The following PGAP6 variants were observed in gnomAD, a reference collection of about 807,000 sequenced individuals.
The protein encoded by PGAP6 is post-GPI attachment to proteins 6, also known as post-GPI attachment to proteins factor 6.
Under a neutral mutation model 68.4 loss-of-function variants are expected in PGAP6, and 62 were observed. The ratio of observed to expected loss-of-function variants is 0.91; its 90% CI spans 0.74 to 1.12. The LOEUF is 1.12. Ranked by LOEUF, PGAP6 falls within the 50% of genes most tolerant of loss-of-function variation. The pLI is 0.00. For synonymous variants in PGAP6, 575 were observed against 474.0 expected, an observed-to-expected ratio of 1.21 and a Z score of -2.77; for missense variants, 1,188 against 1,068.5, an observed-to-expected ratio of 1.11 and a Z score of -1.56.
In PGAP6 at chr16:372,088, G is replaced by A; in HGVS notation, c.2215C>T (p.Pro739Ser). Residue 739 changes from proline (P) to serine (S), a missense_variant, in exon 13 of 13, where the codon CCA (proline) becomes TCA (serine). Coordinates refer to ENST00000431232, the MANE Select transcript of PGAP6 (RefSeq NM_021259.3). Reference protein sequence around the residue: ...LAGSAALLLPPPDQPAEPWAC... With the variant: ...LAGSAALLLPSPDQPAEPWAC... ...CAGGGCTCGGCGGGCTGGTCAGGTG[G>A]CGGCAGCAGCAAGGCTGCGCTCCCG... 1 of 1,612,592 alleles carries A rather than the reference G, an allele frequency of 6.2e-7. No individual in the cohort carries two copies.
rs2054400871 is a variant in PGAP6 at position 377,838 on chromosome 16, C to G, written c.132G>C (p.Leu44=). Residue 44 remains leucine, a synonymous_variant, in exon 2 of 13, where the codon CTG becomes CTC. Transcript: ENST00000431232. The part of the protein sequence containing the change: ...AGYSGKSEVG[L]VSEHFSQAPQ... The stretch of plus-strand genomic sequence containing the variant: ...GGGCCTGCGAGAAGTGCTCGGACAC[C>G]AGCCCCACCTCTGTGAGGAGAAGGA... 2 of 1,557,692 alleles carry G rather than the reference C, an allele frequency of 1.3e-6. No homozygotes were observed. Among genetic ancestry groups the G allele is most frequent in the African/African-American group, 1.4e-5 (1 of 73,406 alleles).
intron 1 of PGAP6, among the ~76,000 whole-genome samples, chr16:378,194 C>A (rs112964289): frequency 1.0e-4 from 15 of 145,378 alleles, no homozygotes; most frequent in South Asian, 2.1e-4. Flanking sequence ...ACCCGCACTG[C>A]CATCGCCACC....
intron 1 of PGAP6, among the ~76,000 whole-genome samples, chr16:379,553 G>A (rs1319309721): frequency 2.6e-5 from 4 of 152,230 alleles, no homozygotes; most frequent in African/African-American, 9.6e-5. Context: ...ACGGTGTCCC[G>A]GAGAAAGCCG....
chr16:376,368 G>A lies in PGAP6; in HGVS notation c.992C>T (p.Pro331Leu), dbSNP rs748293864. ...GCCCAGGTCCTGGTGGTCGGGGCTCGGGGACAGCAGACCAGAGGAGGCATT... is the reference window on the plus strand; with the variant it reads ...GCCCAGGTCCTGGTGGTCGGGGCTCAGGGACAGCAGACCAGAGGAGGCATT... ...SFNASSGLLS[P>L]SPDHQDLGRS... The change falls in exon 6 of 13, where the codon CCG becomes CTG. Residue 331 changes from proline (P) to leucine (L), a missense_variant. Physicochemically the swap from Pro to Leu is moderately conservative, Grantham distance 98. Coordinates refer to ENST00000431232, the MANE Select transcript of PGAP6 (RefSeq NM_021259.3). 24 of 1,611,492 alleles carry A rather than the reference G, an allele frequency of 1.5e-5. No homozygotes were observed. Among genetic ancestry groups the A allele is most frequent in the Middle Eastern group, 1.6e-4 (1 of 6,074 alleles).
rs145313185 is a variant in PGAP6, at chr16:375,245, C to T, written c.1327G>A (p.Gly443Ser). Residue 443 changes from glycine to serine, a missense_variant, in exon 8 of 13, where the codon GGC (glycine) becomes AGC (serine). Transcript: ENST00000431232. ...CAGGCGCTCAGAGACAAAGGGTAGC[C>T]CTGGAAGAAGGCTGCAGGGGAGCCA... ...SLNCTTAFFQ[G>S]YPLSLSAWSR... 5 of 1,612,992 alleles carry T rather than the reference C, an allele frequency of 3.1e-6. No individual in the cohort carries two copies. The Admixed American group carries it at 5.0e-5, about 16-fold the overall frequency.
intron 11 of PGAP6, among the ~76,000 whole-genome samples, chr16:373,201 C>G (rs372315012): frequency 6.6e-6 from 1 of 152,242 alleles, no homozygotes; most frequent in South Asian, 2.1e-4. Flanking sequence ...CTGCAGGACC[C>G]TGGTGCTTCC....
chr16:380,356 TTTTC>T (rs199683719), intron 1 of PGAP6, among the ~76,000 whole-genome samples: 3,609 of 151,742 alleles, frequency 0.024, 61 homozygotes, highest in Middle Eastern at 0.045. Flanking sequence ...GGTTATTTTT[TTTTC>T]TTTCTGTCTT....
chr16:380,522 A>G (rs1369992974), intron 1 of PGAP6, among the ~76,000 whole-genome samples: 1 of 151,800 alleles, frequency 6.6e-6, no homozygotes, highest in Non-Finnish European at 1.5e-5. Flanking sequence ...ATGCGCCACC[A>G]CTGCCGGCTA....
intron 1 of PGAP6, 135 bp downstream of exon 1, chr16:381,566 C>T (rs2054438407): frequency 3.1e-6 from 2 of 649,920 alleles, no homozygotes; most frequent in South Asian, 7.5e-5. Flanking sequence ...CACTGTGCAC[C>T]CCCAACCCGC....
At chr16:376,856 AGCCCAGGGACGCAGCGT>A in intron 4 of PGAP6, 44 bp from the exon 5 acceptor site, 1 of 1,596,736 alleles carries the variant, frequency 6.3e-7, no homozygotes. Flanking sequence ...GCCATTCCTC[AGCCCAGGGACGCAGCGT>A]GCCCAGGCTC....
chr16:386,223 A>G (rs549906144), upstream of PGAP6, among the ~76,000 whole-genome samples: 4 of 152,044 alleles, frequency 2.6e-5, no homozygotes, highest in South Asian at 8.3e-4. Flanking sequence ...GGATAAAAAT[A>G]TCAAAAGTTA....
chr16:377,838 C>T lies in PGAP6; in HGVS notation c.132G>A (p.Leu44=). The T allele has an allele frequency of 6.4e-7, 1 of 1,557,810 alleles. No individual in the cohort carries two copies. The highest frequency in any genetic ancestry group is 8.7e-7 in the Non-Finnish European group (1 of 1,151,346). Residue 44 remains leucine, a synonymous_variant, in exon 2 of 13, where the codon CTG becomes CTA. Coordinates refer to ENST00000431232, the MANE Select transcript of PGAP6 (RefSeq NM_021259.3). Reference sequence around the variant, plus strand: ...GGGCCTGCGAGAAGTGCTCGGACACCAGCCCCACCTCTGTGAGGAGAAGGA... The same window carrying T: ...GGGCCTGCGAGAAGTGCTCGGACACTAGCCCCACCTCTGTGAGGAGAAGGA... ...AGYSGKSEVG[L]VSEHFSQAPQ... is the part of the protein sequence containing the mutation.
At chr16:386,369 G>A (rs1217871821), upstream of PGAP6, among the ~76,000 whole-genome samples, 1 of 152,134 alleles carries the variant, frequency 6.6e-6, no homozygotes, top group Non-Finnish European at 1.5e-5. Flanking sequence ...AGGCTCTGCA[G>A]GTTGAAAGGA....
At chr16:372,440 G>A in intron 12 of PGAP6, 157 bp from the exon 13 acceptor site, 1 of 997,204 alleles carries the variant, frequency 1.0e-6, no homozygotes, top group South Asian at 1.5e-5. Flanking sequence ...TGGTCCTCAG[G>A]CCCAGGCCTC....
intron 1 of PGAP6, among the ~76,000 whole-genome samples, chr16:380,487 C>T (rs2054427589): frequency 6.6e-6 from 1 of 152,136 alleles, no homozygotes; most frequent in African/African-American, 2.4e-5. Context: ...CTGCCTCAGC[C>T]TCCCGAGTGG....
intron 7 of PGAP6, 21 bp downstream of exon 7, chr16:375,324 G>A (rs746014217): frequency 1.4e-5 from 22 of 1,612,572 alleles, no homozygotes; most frequent in Non-Finnish European, 1.6e-5. Flanking sequence ...CCACGCTGAC[G>A]GTGACGCCTG....
At chr16:373,475 A>G (rs2054352010) in intron 11 of PGAP6, among the ~76,000 whole-genome samples, 1 of 152,162 alleles carries the variant, frequency 6.6e-6, no homozygotes, top group East Asian at 1.9e-4. Context: ...GGCATCCTCC[A>G]AACAGCTGGC....
chr16:372,577 C>T, intron 12 of PGAP6, 34 bp downstream of exon 12: 1 of 1,531,662 alleles, frequency 6.5e-7, no homozygotes, highest in Non-Finnish European at 9.0e-7. Context: ...CTCCGAGCAC[C>T]TGGGCAGCAG....
At chr16:374,531 C>G (rs2054363602) in intron 9 of PGAP6, 132 bp from the exon 10 acceptor site, 2 of 1,189,514 alleles carry the variant, frequency 1.7e-6, no homozygotes, top group African/African-American at 3.1e-5. Flanking sequence ...CGGGCGGGGT[C>G]CAAGGTCAGG....
Sources: allele counts gnomAD v4.1 joint callset (sites outside exome capture counted in the v4.1 genomes callset), GRCh38; gene constraint gnomAD v4.1.1; transcripts MANE v1.5; gene names NCBI Gene and HGNC (gene_info 2026-07-23, HGNC 2026-07-21).